The following KCP variants were observed in gnomAD, a reference collection of about 807,000 sequenced individuals.
KCP encodes the protein kielin/chordin-like protein.
A neutral mutation model predicts 212.7 loss-of-function variants in KCP; 194 were observed. That is an observed-to-expected ratio of 0.91 (90% CI 0.81 to 1.03). The LOEUF (loss-of-function observed/expected upper bound fraction) is 1.03. Among genes scored for constraint, KCP ranks in the 50% least tolerant of loss-of-function variants. The pLI, the probability that KCP is intolerant of heterozygous loss-of-function variation, is 0.00. For missense variants in KCP, 2,080 were observed against 2,162.5 expected (o/e 0.96, Z 0.76); for synonymous variants, 833 against 865.3 (o/e 0.96, Z 0.65).
Position 128,892,624 on chromosome 7 carries a change from G to A in KCP, c.1528-17C>T, listed in dbSNP as rs748804994. ...AGTTCCATCCTGCGAGAGAGCAGGG[G>A]AGAGAGCAATCGGGGCATGCCCAGG... On this transcript the variant is annotated splice_polypyrimidine_tract_variant and intron_variant, in intron 15 of 39. Coordinates refer to ENST00000610776, the MANE Select transcript of KCP (RefSeq NM_001366122.1). 4 of 1,550,724 alleles carry A rather than the reference G, an allele frequency of 2.6e-6. No individual in the cohort carries two copies. Among genetic ancestry groups the A allele is most frequent in the Non-Finnish European group, 3.5e-6 (4 of 1,146,200 alleles).
intron 8 of KCP, among the ~76,000 whole-genome samples, chr7:128,897,252 A>G (rs1302258593): frequency 1.3e-5 from 2 of 152,368 alleles, no homozygotes; most frequent in East Asian, 1.9e-4. Flanking sequence ...AAGACAGCCC[A>G]GCAAACTTGT....
chr7:128,889,331 G>A (rs1259856677), intron 21 of KCP, among the ~76,000 whole-genome samples: 2 of 152,178 alleles, frequency 1.3e-5, no homozygotes, highest in African/African-American at 2.4e-5. Context: ...TACTCAGCAG[G>A]CCATTGCCAG....
intron 22 of KCP, among the ~76,000 whole-genome samples, chr7:128,887,581 C>G (rs1262852068): frequency 1.3e-5 from 2 of 149,196 alleles, no homozygotes; most frequent in African/African-American, 5.1e-5. Flanking sequence ...GCCCCTCCCC[C>G]TCCACACATA....
At chr7:128,904,657 T>C (rs895232173) in intron 5 of KCP, among the ~76,000 whole-genome samples, 1 of 152,164 alleles carries the variant, frequency 6.6e-6, no homozygotes, top group South Asian at 2.1e-4. Context: ...CAGGTGCAGA[T>C]GACACAGGGC....
intron 8 of KCP, among the ~76,000 whole-genome samples, chr7:128,895,425 C>A (rs1794458942): frequency 6.6e-6 from 1 of 152,204 alleles, no homozygotes; most frequent in Admixed American, 6.5e-5. Context: ...GCCTTGAATT[C>A]ACACCCACAT....
At chr7:128,903,959 G>T in intron 6 of KCP, 97 bp downstream of exon 6, 1 of 1,354,302 alleles carries the variant, frequency 7.4e-7, no homozygotes, top group Non-Finnish European at 1.0e-6. Context: ...CTCTCGGGAG[G>T]CATGTGAGGG....
intron 5 of KCP, among the ~76,000 whole-genome samples, chr7:128,905,389 C>G (rs1795074339): frequency 6.6e-6 from 1 of 152,164 alleles, no homozygotes; most frequent in African/African-American, 2.4e-5. Flanking sequence ...GTAACACCCC[C>G]CTGCATAGCC....
Position 128,904,198 on chromosome 7 carries a change from T to C in KCP, c.572-60A>G, listed in dbSNP as rs916922592. On this transcript the variant is annotated intron_variant, in intron 5 of 39. Transcript: ENST00000610776. ...AGGCAGCAGGGTGGGTGGACATCAC[T>C]TGAGGTAAGGCATGACCCCAAGTAG... The C allele has an allele frequency of 1.0e-5, 16 of 1,529,002 alleles. No homozygotes were observed. In the African/African-American group the frequency reaches 1.7e-4, roughly 16 times the overall value. The allele number at this position is 1,529,002 out of a possible 1,614,324, so 94.7% of individuals were successfully genotyped here. A position where few individuals can be genotyped will look rare whatever the true frequency, so the allele number is the denominator to read the frequency against.
Position 128,908,494 on chromosome 7 carries a change from C to T in KCP, c.151G>A (p.Glu51Lys), listed in dbSNP as rs1423963896. Residue 51 changes from glutamate to lysine, a missense_variant, in exon 2 of 40, where the codon GAG becomes AAG. Physicochemically the swap from Glu to Lys is moderately conservative, Grantham distance 56 (BLOSUM62 1). Coordinates refer to ENST00000610776, the MANE Select transcript of KCP (RefSeq NM_001366122.1). ...CACTCTCGCAGGGGGTGCCACTGCT[C>T]CTGGGAGTTCCCAGCAAGGACTGAG... ...HSSVLAGNSQ[E>K]QWHPLREWLG... The T allele has an allele frequency of 1.3e-6, 2 of 1,551,858 alleles. No homozygotes were observed. Among genetic ancestry groups the T allele is most frequent in the Non-Finnish European group, 1.7e-6 (2 of 1,147,080 alleles).
chr7:128,903,969 G>C, intron 6 of KCP, 87 bp downstream of exon 6: 3 of 1,387,188 alleles, frequency 2.2e-6, no homozygotes, highest in Non-Finnish European at 3.0e-6. Flanking sequence ...GCATGTGAGG[G>C]GGCTGGAGGA....
intron 4 of KCP, 120 bp downstream of exon 4, chr7:128,906,981 A>C (rs887955021): frequency 1.1e-6 from 1 of 951,494 alleles, no homozygotes; most frequent in African/African-American, 1.7e-5. Context: ...CCACCGTGGC[A>C]AGGTGTGGGA....
intron 37 of KCP, chr7:128,879,233 C>G (rs1012343489): frequency 2.2e-6 from 1 of 464,732 alleles, no homozygotes; most frequent in South Asian, 3.1e-5. Flanking sequence ...TGCCACTGAC[C>G]CTTCCCATTC....
chr7:128,892,371 T>A, intron 16 of KCP, 143 bp downstream of exon 16: 1 of 624,986 alleles, frequency 1.6e-6, no homozygotes, highest in South Asian at 2.3e-5. Context: ...ACCCCGTGAG[T>A]TCCAGAGAGT....
In KCP at chr7:128,892,762, A is replaced by G. The variant is rs771619583; in HGVS notation, c.1453T>C (p.Tyr485His). The G allele has an allele frequency of 8.3e-5, 129 of 1,551,576 alleles. No homozygotes were observed. Among genetic ancestry groups the G allele is most frequent in the Non-Finnish European group, 1.0e-4 (117 of 1,146,970 alleles). ...CCATTGGCATACACTTGGCTGTGGT[A>G]GGTGCAGCTGTCACAGCTGGGGCAG... The part of the protein sequence containing the change: ...ACCPSCDSCT[Y>H]HSQVYANGQN... The change falls in exon 15 of 40, where the codon TAC (tyrosine) becomes CAC (histidine). Residue 485 changes from tyrosine to histidine, a missense_variant. Transcript: ENST00000610776.
At chr7:128,880,146 C>T (rs1793238879) in intron 34 of KCP, 61 bp from the exon 35 acceptor site, 1 of 1,454,804 alleles carries the variant, frequency 6.9e-7, no homozygotes, top group Non-Finnish European at 9.1e-7. Flanking sequence ...TCTCGCAGAC[C>T]CTCCCAGAAA....
chr7:128,896,720 G>A (rs942602111), intron 8 of KCP, among the ~76,000 whole-genome samples: 54 of 151,762 alleles, frequency 3.6e-4, no homozygotes, highest in African/African-American at 1.1e-3. Flanking sequence ...GTGAAACTCC[G>A]TCTCTACTAA....
intron 18 of KCP, 67 bp from the exon 19 acceptor site, chr7:128,891,345 C>T (rs1050819294): frequency 1.2e-4 from 191 of 1,546,842 alleles, no homozygotes; most frequent in Non-Finnish European, 1.6e-4. Context: ...ACCCCTCCCA[C>T]CCAGTGCCAC....
intron 32 of KCP, 119 bp from the exon 33 acceptor site, chr7:128,880,840 G>T: frequency 2.5e-6 from 1 of 400,816 alleles, no homozygotes; most frequent in Non-Finnish European, 4.4e-6. Context: ...ATTCTTCACA[G>T]TTCAAGAGGG....
rs1794377191 is a variant in KCP, at chr7:128,894,213, G to A, written c.912C>T (p.Cys304=). ...YPARPLPGTC[C]PVCDGCFLNG... is the part of the protein sequence containing the mutation. Reference sequence around the variant, plus strand: ...CCACTGACTCACCATCACACACAGGGCAGCAGGTGCCTGGGAGGGGCCGGG... The same window carrying A: ...CCACTGACTCACCATCACACACAGGACAGCAGGTGCCTGGGAGGGGCCGGG... Residue 304 remains cysteine (C), a synonymous_variant, in exon 9 of 40, where the codon TGC becomes TGT. Transcript: ENST00000610776. 3 of 1,534,928 alleles carry A rather than the reference G, an allele frequency of 2.0e-6. No homozygotes were observed. In the South Asian group the frequency reaches 3.7e-5, roughly 19 times the overall value.
Sources: allele counts gnomAD v4.1 joint callset (sites outside exome capture counted in the v4.1 genomes callset), GRCh38; gene constraint gnomAD v4.1.1; transcripts MANE v1.5; gene names NCBI Gene and HGNC (gene_info 2026-07-23, HGNC 2026-07-21).